Variants in RAD51B observed in about 807,000 individuals in gnomAD.
RAD51B encodes the protein RAD51 paralog B, also known as DNA repair protein RAD51 homolog 2.
Under a neutral mutation model 42.2 loss-of-function variants are expected in RAD51B, and 38 were observed. That is an observed-to-expected ratio of 0.90 (90% CI 0.70 to 1.18). The LOEUF is 1.18. Among genes scored for constraint, RAD51B ranks in the 50% most tolerant of loss-of-function variants. The pLI, the probability that RAD51B is intolerant of heterozygous loss-of-function variation, is 0.00. For synonymous variants in RAD51B, 154 were observed against 145.2 expected (o/e 1.06, Z -0.43); for missense variants, 373 against 400.7 (o/e 0.93, Z 0.59).
intron 7 of RAD51B, among the ~76,000 whole-genome samples, chr14:67,900,940 G>T (rs548508688): frequency 6.6e-6 from 1 of 152,268 alleles, no homozygotes; most frequent in East Asian, 1.9e-4. Flanking sequence ...TTAGTCCCTA[G>T]TTCAGCTAGG....
At chr14:68,458,405 A>T (rs1358726176) in intron 9 of RAD51B, among the ~76,000 whole-genome samples, 2 of 152,248 alleles carry the variant, frequency 1.3e-5, no homozygotes, top group Non-Finnish European at 2.9e-5. Flanking sequence ...TCTGACCCTG[A>T]ACTATTTACT....
chr14:68,570,634 C>T (rs1181921631), intron 10 of RAD51B, among the ~76,000 whole-genome samples: 2 of 152,210 alleles, frequency 1.3e-5, no homozygotes, highest in African/African-American at 4.8e-5. Flanking sequence ...TGGCAGCCTG[C>T]TGTAACCTTC....
At chr14:68,427,841 T>C (rs1161157731) in intron 9 of RAD51B, among the ~76,000 whole-genome samples, 1 of 152,198 alleles carries the variant, frequency 6.6e-6, no homozygotes, top group Admixed American at 6.5e-5. Context: ...CAGAATGCTA[T>C]GGTTTGAACA....
intron 8 of RAD51B, among the ~76,000 whole-genome samples, chr14:68,378,058 T>G (rs1380254126): frequency 6.6e-6 from 1 of 152,174 alleles, no homozygotes. Flanking sequence ...AAGTCTCAAT[T>G]TTTCCCCTTT....
chr14:68,529,912 A>T (rs1371448897), intron 10 of RAD51B, among the ~76,000 whole-genome samples: 3 of 152,240 alleles, frequency 2.0e-5, no homozygotes, highest in Admixed American at 6.5e-5. Context: ...GCAGGCAGAA[A>T]TAAGAATTGG....
intron 3 of RAD51B, among the ~76,000 whole-genome samples, chr14:67,829,014 T>C (rs1206704849): frequency 1.3e-5 from 2 of 152,246 alleles, no homozygotes; most frequent in South Asian, 2.1e-4. Flanking sequence ...TTTAAAATTC[T>C]GTGAAGAATG....
At chr14:67,844,624 A>AT (rs556636252) in intron 4 of RAD51B, among the ~76,000 whole-genome samples, 24 of 147,794 alleles carry the variant, frequency 1.6e-4, no homozygotes, top group South Asian at 2.1e-4. Context: ...ATATATATAT[A>AT]TTTTTTTTAT....
chr14:68,021,197 A>G (rs1022664045), intron 7 of RAD51B, among the ~76,000 whole-genome samples: 1 of 152,202 alleles, frequency 6.6e-6, no homozygotes, highest in Non-Finnish European at 1.5e-5. Flanking sequence ...TTCATCTAAA[A>G]GAATGTCCCA....
intron 10 of RAD51B, among the ~76,000 whole-genome samples, chr14:68,474,335 G>A (rs527706947): frequency 2.0e-5 from 3 of 152,104 alleles, no homozygotes; most frequent in African/African-American, 4.8e-5. Flanking sequence ...TCGTATAATC[G>A]TTAAGTTTGT....
chr14:68,076,020 A>G (rs567252732), intron 7 of RAD51B, among the ~76,000 whole-genome samples: 6 of 152,240 alleles, frequency 3.9e-5, no homozygotes, highest in Non-Finnish European at 7.3e-5. Context: ...GAGGAGTAAC[A>G]TGGGCAGGGT....
At chr14:68,577,286 C>T (rs905604473) in intron 10 of RAD51B, among the ~76,000 whole-genome samples, 1 of 152,100 alleles carries the variant, frequency 6.6e-6, no homozygotes, top group Non-Finnish European at 1.5e-5. Flanking sequence ...GGAACTGCCC[C>T]TCCCTAGGAT....
At chr14:67,913,830 A>G (rs2044065455) in intron 7 of RAD51B, among the ~76,000 whole-genome samples, 1 of 152,090 alleles carries the variant, frequency 6.6e-6, no homozygotes, top group African/African-American at 2.4e-5. Context: ...TTAAAGTACA[A>G]TTAAATTATT....
intron 7 of RAD51B, among the ~76,000 whole-genome samples, chr14:67,932,699 T>G (rs1267872496): frequency 2.0e-5 from 3 of 152,148 alleles, no homozygotes; most frequent in Admixed American, 6.5e-5. Context: ...TGATGGTGGC[T>G]GTGATGCAGG....
chr14:68,098,500 G>A (rs958115928), intron 7 of RAD51B, among the ~76,000 whole-genome samples: 20 of 152,174 alleles, frequency 1.3e-4, no homozygotes, highest in Non-Finnish European at 2.8e-4. Context: ...TGCATGGCTC[G>A]GGAGGCCTAA....
At chr14:68,602,506 C>A (rs1252802459) in intron 10 of RAD51B, among the ~76,000 whole-genome samples, 19 of 149,028 alleles carry the variant, frequency 1.3e-4, no homozygotes, top group African/African-American at 2.5e-4. Context: ...GGATGGATAG[C>A]TAGATAGATA....
intron 11 of RAD51B, among the ~76,000 whole-genome samples, chr14:68,665,883 G>A (rs1251802024): frequency 6.6e-6 from 1 of 152,200 alleles, no homozygotes; most frequent in Non-Finnish European, 1.5e-5. Flanking sequence ...CCAACTCAGG[G>A]TGAAGCACAG....
chr14:68,148,923 A>G (rs1342359310), intron 7 of RAD51B, among the ~76,000 whole-genome samples: 2 of 152,204 alleles, frequency 1.3e-5, no homozygotes, highest in African/African-American at 4.8e-5. Flanking sequence ...TTGACTTATG[A>G]GTTTTCAATT....
At chr14:68,263,452 A>G (rs1243702973) in intron 7 of RAD51B, among the ~76,000 whole-genome samples, 2 of 152,236 alleles carry the variant, frequency 1.3e-5, no homozygotes, top group African/African-American at 4.8e-5. Context: ...TGTTAGCAAC[A>G]TATTGGAACA....
intron 10 of RAD51B, among the ~76,000 whole-genome samples, chr14:68,570,176 G>C (rs2140037670): frequency 6.6e-6 from 1 of 152,254 alleles, no homozygotes; most frequent in East Asian, 1.9e-4. Flanking sequence ...CCCATACCCA[G>C]GTCCCTCTGC....
Sources: gnomAD v4.1 joint callset for allele counts (sites outside exome capture counted in the v4.1 genomes callset) on GRCh38, gnomAD v4.1.1 for gene constraint, MANE v1.5 for transcripts, NCBI Gene and HGNC (gene_info 2026-07-23, HGNC 2026-07-21) for gene names.